SLC36A1: variants seen among roughly 807,000 people sequenced by gnomAD.
The protein encoded by SLC36A1 is proton-coupled amino acid transporter 1.
Under a neutral mutation model 47.5 loss-of-function variants are expected in SLC36A1, and 30 were observed. That is an observed-to-expected ratio of 0.63 (90% CI 0.47 to 0.86). The LOEUF (loss-of-function observed/expected upper bound fraction) is 0.86, where lower values mean the gene tolerates loss of function less well. Ranked by LOEUF, SLC36A1 falls within the 40% of genes least tolerant of loss-of-function variation. The pLI is 0.00. For missense variants in SLC36A1, 517 were observed against 606.0 expected, an observed-to-expected ratio of 0.85 and a Z score of 1.54; for synonymous variants, 255 against 249.7, an observed-to-expected ratio of 1.02 and a Z score of -0.20.
the SLC36A1 span, among the ~76,000 whole-genome samples, chr5:151,401,358 T>A: frequency 6.6e-6 from 1 of 152,164 alleles, no homozygotes; most frequent in Non-Finnish European, 1.5e-5. Context: ...TATTTCTGTG[T>A]TCTCTGTTCT....
chr5:151,527,165 G>T, the SLC36A1 span: 5 of 1,478,088 alleles, frequency 3.4e-6, no homozygotes, highest in Non-Finnish European at 3.7e-6. Flanking sequence ...ATGCCACTGA[G>T]GGGCATCTTC....
the SLC36A1 span, among the ~76,000 whole-genome samples, chr5:151,499,281 C>T: frequency 6.6e-6 from 1 of 152,206 alleles, no homozygotes; most frequent in East Asian, 1.9e-4. Context: ...CTTCTAGAAG[C>T]AGTCAGAGGC....
the SLC36A1 span, among the ~76,000 whole-genome samples, chr5:151,357,726 G>T: frequency 6.6e-6 from 1 of 152,186 alleles, no homozygotes; most frequent in Non-Finnish European, 1.5e-5. Context: ...TTACCATCTG[G>T]CTCTGTATAG....
At chr5:151,365,877 C>T in the SLC36A1 span, among the ~76,000 whole-genome samples, 2 of 152,264 alleles carry the variant, frequency 1.3e-5, no homozygotes, top group South Asian at 2.1e-4. Flanking sequence ...AGTGTGCCTC[C>T]ATTGGTGGTG....
the SLC36A1 span, chr5:151,505,493 C>A: frequency 2.5e-5 from 40 of 1,579,942 alleles, no homozygotes; most frequent in African/African-American, 2.2e-4. Context: ...CAACTCACCC[C>A]CTACGAGACA....
At chr5:151,429,961 A>C in the SLC36A1 span, among the ~76,000 whole-genome samples, 7 of 152,140 alleles carry the variant, frequency 4.6e-5, no homozygotes, top group Non-Finnish European at 2.9e-5. Flanking sequence ...TTCTCAAAAA[A>C]GATCTTCCCT....
chr5:151,439,848 A>T (rs1752519290), intron 1 of SLC36A1, among the ~76,000 whole-genome samples: 1 of 152,166 alleles, frequency 6.6e-6, no homozygotes, highest in South Asian at 2.1e-4. Flanking sequence ...ACACCCTCCT[A>T]AGGCACCAGC....
the SLC36A1 span, among the ~76,000 whole-genome samples, chr5:151,367,374 T>TTTTTTTTTTTTTTTTTTTTCC: frequency 6.9e-6 from 1 of 145,466 alleles, no homozygotes; most frequent in African/African-American, 2.6e-5. Context: ...TTTTTTTTTT[T>TTTTTTTTTTTTTTTTTTTTCC]CCCCAGGGTA....
At chr5:151,346,509 C>G in the SLC36A1 span, among the ~76,000 whole-genome samples, 1 of 152,072 alleles carries the variant, frequency 6.6e-6, no homozygotes, top group African/African-American at 2.4e-5. Flanking sequence ...AGCAGAGAAA[C>G]CACTTGAACT....
the SLC36A1 span, chr5:151,545,825 T>C: frequency 4.3e-6 from 7 of 1,614,282 alleles, no homozygotes; most frequent in Non-Finnish European, 5.9e-6. Context: ...GCTGCTTCAC[T>C]AATTTGGCCC....
chr5:151,449,626 T>G (rs1236583015), intron 1 of SLC36A1, among the ~76,000 whole-genome samples: 1 of 152,248 alleles, frequency 6.6e-6, no homozygotes, highest in Non-Finnish European at 1.5e-5. Flanking sequence ...CCATTTATTT[T>G]ATAATATTCT....
At chr5:151,542,170 A>C in the SLC36A1 span, 9 of 978,464 alleles carry the variant, frequency 9.2e-6, no homozygotes, top group Non-Finnish European at 1.4e-5. Flanking sequence ...AAGTGTGCCC[A>C]AGGTCACACT....
the SLC36A1 span, among the ~76,000 whole-genome samples, chr5:151,540,277 T>A: frequency 7.2e-5 from 11 of 152,268 alleles, no homozygotes; most frequent in Non-Finnish European, 1.0e-4. Context: ...GTCTGAGGCT[T>A]GCTGGGGAGA....
the SLC36A1 span, among the ~76,000 whole-genome samples, chr5:151,381,786 C>G: frequency 5.3e-5 from 8 of 152,234 alleles, no homozygotes; most frequent in African/African-American, 1.9e-4. Context: ...TCCTGGCTCA[C>G]TGGCCCCGCC....
At chr5:151,521,128 C>T in the SLC36A1 span, 15 of 740,672 alleles carry the variant, frequency 2.0e-5, no homozygotes, top group African/African-American at 2.5e-4. Context: ...TGTGAGGCCA[C>T]TAGCCGTCTT....
At chr5:151,458,678 G>C (rs989018327) in intron 1 of SLC36A1, 110 bp from the exon 2 acceptor site, 9 of 1,212,314 alleles carry the variant, frequency 7.4e-6, no homozygotes, top group Non-Finnish European at 9.1e-6. Flanking sequence ...TAGTGGAGCT[G>C]TCACAGTGAG....
At chr5:151,380,630 C>A in the SLC36A1 span, 14 of 552,194 alleles carry the variant, frequency 2.5e-5, no homozygotes, top group East Asian at 6.4e-4. Context: ...TTTGTAGATG[C>A]AGTAGTGGCT....
At chr5:151,511,938 C>A in the SLC36A1 span, 4 of 565,502 alleles carry the variant, frequency 7.1e-6, no homozygotes, top group African/African-American at 7.5e-5. Context: ...TTCATATCCT[C>A]CCTCATCCCC....
At chr5:151,381,203 C>T in the SLC36A1 span, 1 of 380,824 alleles carries the variant, frequency 2.6e-6, no homozygotes, top group Non-Finnish European at 5.2e-6. Flanking sequence ...AGCCCATGGA[C>T]TATATGCCTC....
Sources: gnomAD v4.1 joint callset for allele counts (sites outside exome capture counted in the v4.1 genomes callset) on GRCh38, gnomAD v4.1.1 for gene constraint, MANE v1.5 for transcripts, NCBI Gene and HGNC (gene_info 2026-07-23, HGNC 2026-07-21) for gene names.